GRIP1: variants seen among roughly 807,000 people sequenced by gnomAD.
GRIP1 encodes glutamate receptor interacting protein 1.
A neutral mutation model predicts 129.9 loss-of-function variants in GRIP1; 45 were observed. That is an observed-to-expected ratio of 0.35 (90% CI 0.27 to 0.44). The LOEUF (loss-of-function observed/expected upper bound fraction) is 0.44, where lower values mean the gene tolerates loss of function less well. Ranked by LOEUF, GRIP1 falls within the 20% of genes least tolerant of loss-of-function variation. The pLI, the probability that GRIP1 is intolerant of heterozygous loss-of-function variation, is 1.00. For missense variants in GRIP1, 1,196 were observed against 1,396.8 expected, an observed-to-expected ratio of 0.86 and a Z score of 2.29; for synonymous variants, 530 against 520.8, an observed-to-expected ratio of 1.02 and a Z score of -0.24.
intron 1 of GRIP1, among the ~76,000 whole-genome samples, chr12:66,842,862 CAATA>C (rs1422061621): frequency 6.6e-6 from 1 of 151,924 alleles, no homozygotes; most frequent in East Asian, 1.9e-4. Flanking sequence ...GAAACTGAAA[CAATA>C]AAGTACAGGA....
Position 66,546,501 on chromosome 12 carries a change from G to A in GRIP1, c.137-4551C>T, listed in dbSNP as rs12318823. ...TGATACCCTGTATCAAAAATCATAAGTAAAACCACTGTGGTATTGATGGAG... is the reference window on the plus strand; with the variant it reads ...TGATACCCTGTATCAAAAATCATAAATAAAACCACTGTGGTATTGATGGAG... On this transcript the variant is annotated intron_variant, in intron 2 of 24. Coordinates refer to ENST00000359742, the MANE Select transcript of GRIP1 (RefSeq NM_001366722.1). 6.6e-3 allele frequency among the ~76,000 whole-genome samples: 1,009 copies of A among 152,042 alleles called. 13 individuals are homozygous for A. The highest frequency in any genetic ancestry group is 0.024 in the African/African-American group (984 of 41,476).
chr12:66,733,125 T>C (rs1387129091), intron 1 of GRIP1, among the ~76,000 whole-genome samples: 1 of 152,144 alleles, frequency 6.6e-6, no homozygotes, highest in Admixed American at 6.5e-5. Context: ...AGAAGCATCC[T>C]TGTAGCCACC....
At chr12:66,706,523 C>T (rs1265930571) in intron 1 of GRIP1, among the ~76,000 whole-genome samples, 1 of 152,034 alleles carries the variant, frequency 6.6e-6, no homozygotes, top group Admixed American at 6.6e-5. Flanking sequence ...TGGGTATATA[C>T]CCAAAGGAAT....
intron 1 of GRIP1, among the ~76,000 whole-genome samples, chr12:66,989,996 T>C (rs1452417702): frequency 6.6e-6 from 1 of 152,188 alleles, no homozygotes; most frequent in Non-Finnish European, 1.5e-5. Context: ...TTAAAATAAA[T>C]GAAAGTGTTA....
chr12:66,831,135 C>T (rs756403672), intron 1 of GRIP1, among the ~76,000 whole-genome samples: 7 of 152,092 alleles, frequency 4.6e-5, no homozygotes, highest in Admixed American at 1.3e-4. Context: ...ATTACAGGTG[C>T]GAGCTACGGC....
At chr12:66,373,358 G>A (rs967380852) in intron 22 of GRIP1, among the ~76,000 whole-genome samples, 2 of 152,264 alleles carry the variant, frequency 1.3e-5, no homozygotes, top group South Asian at 4.1e-4. Context: ...CAAAGTGCTG[G>A]GATTACAGGT....
At chr12:66,610,907 T>A (rs905563342) in intron 1 of GRIP1, among the ~76,000 whole-genome samples, 1 of 152,156 alleles carries the variant, frequency 6.6e-6, no homozygotes, top group African/African-American at 2.4e-5. Context: ...GGTTATGCAT[T>A]TGTGTGCAGA....
At chr12:66,974,471 A>G (rs562268853) in intron 1 of GRIP1, among the ~76,000 whole-genome samples, 34 of 152,226 alleles carry the variant, frequency 2.2e-4, no homozygotes, top group Non-Finnish European at 4.7e-4. Context: ...ACTGCCTAGC[A>G]TTCACTATGT....
intron 7 of GRIP1, among the ~76,000 whole-genome samples, chr12:66,500,690 A>G (rs951332362): frequency 3.3e-5 from 5 of 152,176 alleles, no homozygotes; most frequent in Non-Finnish European, 5.9e-5. Context: ...TCAATGTTCC[A>G]TGTGAATGAC....
intron 14 of GRIP1, among the ~76,000 whole-genome samples, chr12:66,422,035 G>T (rs1321163560): frequency 6.6e-6 from 1 of 152,056 alleles, no homozygotes; most frequent in Non-Finnish European, 1.5e-5. Context: ...AGGCTGGAGT[G>T]GTTTCCTTTT....
chr12:66,672,819 A>G (rs1216419463), intron 1 of GRIP1, among the ~76,000 whole-genome samples: 1 of 152,222 alleles, frequency 6.6e-6, no homozygotes, highest in Middle Eastern at 3.2e-3. Context: ...AAATTAAATC[A>G]TTTTGTTATA....
chr12:66,452,941 T>A (rs992410820), intron 11 of GRIP1, among the ~76,000 whole-genome samples: 38 of 152,310 alleles, frequency 2.5e-4, no homozygotes, highest in African/African-American at 7.0e-4. Flanking sequence ...CATTTTGGAA[T>A]TTATGGTTTG....
chr12:66,950,822 T>C (rs1246264653), intron 1 of GRIP1, among the ~76,000 whole-genome samples: 2 of 152,242 alleles, frequency 1.3e-5, no homozygotes. Context: ...TTCATTTCTA[T>C]ATATTTGAGA....
intron 2 of GRIP1, among the ~76,000 whole-genome samples, chr12:66,580,827 C>T (rs1293772528): frequency 6.6e-6 from 1 of 151,676 alleles, no homozygotes; most frequent in Non-Finnish European, 1.5e-5. Flanking sequence ...TAACACCCCA[C>T]TGTCAACATT....
At chr12:66,808,546 C>T (rs1473870688), upstream of GRIP1, among the ~76,000 whole-genome samples, 3 of 152,072 alleles carry the variant, frequency 2.0e-5, no homozygotes, top group Non-Finnish European at 4.4e-5. Context: ...ATCTGCCCAC[C>T]TCGGCCTCCC....
chr12:66,562,734 A>AC (rs2062584209), intron 2 of GRIP1, among the ~76,000 whole-genome samples: 1 of 152,048 alleles, frequency 6.6e-6, no homozygotes. Context: ...ATGCACCATC[A>AC]CCCCCGACCC....
intron 1 of GRIP1, among the ~76,000 whole-genome samples, chr12:66,691,168 C>T (rs1347904408): frequency 6.6e-6 from 1 of 152,170 alleles, no homozygotes; most frequent in Admixed American, 6.5e-5. Flanking sequence ...AGTGCAACCA[C>T]TACTAAATTC....
intron 5 of GRIP1, among the ~76,000 whole-genome samples, chr12:66,526,019 A>G (rs1171064678): frequency 6.6e-6 from 1 of 152,174 alleles, no homozygotes; most frequent in African/African-American, 2.4e-5. Flanking sequence ...CCACTGCTCA[A>G]TGAAATAAAA....
At chr12:66,824,576 T>C (rs577505068) in intron 1 of GRIP1, among the ~76,000 whole-genome samples, 12 of 152,290 alleles carry the variant, frequency 7.9e-5, no homozygotes, top group Non-Finnish European at 1.6e-4. Flanking sequence ...CAAGTGGTTG[T>C]CCATTTCTCC....
Sources: allele counts gnomAD v4.1 joint callset (sites outside exome capture counted in the v4.1 genomes callset), GRCh38; gene constraint gnomAD v4.1.1; transcripts MANE v1.5; gene names NCBI Gene and HGNC (gene_info 2026-07-23, HGNC 2026-07-21).